The following ST6GALNAC3 variants were observed in gnomAD, a reference collection of about 807,000 sequenced individuals.
The protein encoded by ST6GALNAC3 is ST6 N-acetylgalactosaminide alpha-2,6-sialyltransferase 3, also known as alpha-N-acetylgalactosaminide alpha-2,6-sialyltransferase 3.
A neutral mutation model predicts 32.7 loss-of-function variants in ST6GALNAC3; 25 were observed. The observed-to-expected ratio is 0.76, with a 90% CI of 0.56 to 1.07. ST6GALNAC3 has a LOEUF of 1.07. ST6GALNAC3 is among the 50% of genes least tolerant of loss of function. The pLI, the probability that ST6GALNAC3 is intolerant of heterozygous loss-of-function variation, is 0.00. For synonymous variants in ST6GALNAC3, 129 were observed against 133.1 expected, an observed-to-expected ratio of 0.97 and a Z score of 0.21; for missense variants, 355 against 382.4, an observed-to-expected ratio of 0.93 and a Z score of 0.60.
At chr1:76,280,011 C>T (rs964506695) in intron 1 of ST6GALNAC3, among the ~76,000 whole-genome samples, 2 of 151,482 alleles carry the variant, frequency 1.3e-5, no homozygotes, top group Admixed American at 1.3e-4. Flanking sequence ...CTCATCTTGC[C>T]CTTTCTCTTT....
At chr1:76,284,051 A>G (rs1335504246) in intron 1 of ST6GALNAC3, among the ~76,000 whole-genome samples, 1 of 152,172 alleles carries the variant, frequency 6.6e-6, no homozygotes, top group Non-Finnish European at 1.5e-5. Context: ...AATGCCGGAG[A>G]ACTGAGTTAG....
intron 3 of ST6GALNAC3, among the ~76,000 whole-genome samples, chr1:76,502,190 A>C (rs907769158): frequency 6.6e-6 from 1 of 151,554 alleles, no homozygotes; most frequent in African/African-American, 2.4e-5. Flanking sequence ...ATTTGAGATC[A>C]AGGGATCTCT....
intron 1 of ST6GALNAC3, among the ~76,000 whole-genome samples, chr1:76,275,178 G>A (rs1659066103): frequency 6.6e-6 from 1 of 152,096 alleles, no homozygotes; most frequent in African/African-American, 2.4e-5. Context: ...ATATGCTAAG[G>A]TGCAATATGA....
chr1:76,586,314 G>A (rs1224364932), intron 3 of ST6GALNAC3, among the ~76,000 whole-genome samples: 1 of 152,166 alleles, frequency 6.6e-6, no homozygotes, highest in African/African-American at 2.4e-5. Flanking sequence ...TACCTCTTGT[G>A]TTTCTTCATT....
intron 2 of ST6GALNAC3, among the ~76,000 whole-genome samples, chr1:76,336,813 C>CA (rs1397314143): frequency 6.6e-6 from 1 of 152,178 alleles, no homozygotes; most frequent in Non-Finnish European, 1.5e-5. Context: ...AAGGGCAAGG[C>CA]ATTGTGAGAG....
At chr1:76,611,246 A>G (rs1488938315) in intron 3 of ST6GALNAC3, among the ~76,000 whole-genome samples, 1 of 151,658 alleles carries the variant, frequency 6.6e-6, no homozygotes, top group Non-Finnish European at 1.5e-5. Context: ...AAAAATTATT[A>G]TATTAATATT....
At chr1:76,616,125 G>C (rs1474682601) in intron 3 of ST6GALNAC3, among the ~76,000 whole-genome samples, 1 of 152,130 alleles carries the variant, frequency 6.6e-6, no homozygotes, top group African/African-American at 2.4e-5. Flanking sequence ...CAAACAAACA[G>C]ATCTTTTTTC....
At chr1:76,212,860 G>A (rs1010874111) in intron 1 of ST6GALNAC3, among the ~76,000 whole-genome samples, 1 of 152,054 alleles carries the variant, frequency 6.6e-6, no homozygotes, top group African/African-American at 2.4e-5. Context: ...GTTACTTGGT[G>A]GGCTAGACAG....
chr1:76,107,992 C>T (rs554902296), intron 1 of ST6GALNAC3, among the ~76,000 whole-genome samples: 5 of 152,060 alleles, frequency 3.3e-5, no homozygotes, highest in Non-Finnish European at 7.4e-5. Flanking sequence ...AAAAGAGCTG[C>T]GATTTTAGCT....
At chr1:76,352,339 G>T (rs547675915) in intron 2 of ST6GALNAC3, among the ~76,000 whole-genome samples, 1 of 149,476 alleles carries the variant, frequency 6.7e-6, no homozygotes, top group Non-Finnish European at 1.5e-5. Context: ...TTTCAATACC[G>T]TCTGTCCAAC....
intron 3 of ST6GALNAC3, among the ~76,000 whole-genome samples, chr1:76,501,361 A>T (rs990952939): frequency 6.6e-6 from 1 of 152,222 alleles, no homozygotes; most frequent in Non-Finnish European, 1.5e-5. Context: ...AAGGCAAATG[A>T]TTCAGAGCAA....
chr1:76,249,876 G>A (rs184236088), intron 1 of ST6GALNAC3, among the ~76,000 whole-genome samples: 1 of 152,048 alleles, frequency 6.6e-6, no homozygotes, highest in South Asian at 2.1e-4. Context: ...ATCTTTTCAT[G>A]TGTTTATTAG....
intron 1 of ST6GALNAC3, among the ~76,000 whole-genome samples, chr1:76,174,333 G>A (rs1652711525): frequency 6.6e-6 from 1 of 152,022 alleles, no homozygotes; most frequent in African/African-American, 2.4e-5. Flanking sequence ...GGGGGTGAGA[G>A]GAGGGAACTT....
At position 76,261,010 on chromosome 1, in the gene ST6GALNAC3, A is replaced by ACG. The variant is rs1491160928; in HGVS notation, c.19-52793_19-52792dup. Reference sequence around the variant, plus strand: ...CACACACACACACACACACACACACACGCTGTGAAATGGCCAAATCAAGCT... The same window carrying ACG: ...CACACACACACACACACACACACACACGCGCTGTGAAATGGCCAAATCAAGCT... On this transcript the variant is annotated intron_variant, in intron 1 of 4. Coordinates refer to ENST00000328299, the MANE Select transcript of ST6GALNAC3 (RefSeq NM_152996.4). Among the ~76,000 whole-genome samples, 4 of 149,608 alleles carry ACG rather than the reference A, an allele frequency of 2.7e-5. No individual in the cohort carries two copies. In the East Asian group the frequency reaches 5.9e-4, roughly 22 times the overall value.
At chr1:76,207,830 G>A (rs769250307) in intron 1 of ST6GALNAC3, among the ~76,000 whole-genome samples, 5 of 152,176 alleles carry the variant, frequency 3.3e-5, no homozygotes, top group Non-Finnish European at 5.9e-5. Context: ...CTTCTCTTCA[G>A]TATTGATTCC....
chr1:76,124,119 A>T (rs556068588), intron 1 of ST6GALNAC3, among the ~76,000 whole-genome samples: 136 of 152,324 alleles, frequency 8.9e-4, no homozygotes, highest in African/African-American at 3.2e-3. Flanking sequence ...TCTAAAAATG[A>T]AAAGAAAAGA....
chr1:76,532,697 A>G (rs745345333), intron 3 of ST6GALNAC3, among the ~76,000 whole-genome samples: 4 of 152,138 alleles, frequency 2.6e-5, no homozygotes, highest in Non-Finnish European at 5.9e-5. Flanking sequence ...CTAAAATGAT[A>G]AATAAAATGG....
At chr1:76,512,670 CCTGT>C (rs1460938594) in intron 3 of ST6GALNAC3, among the ~76,000 whole-genome samples, 5 of 152,128 alleles carry the variant, frequency 3.3e-5, no homozygotes, top group Non-Finnish European at 7.4e-5. Flanking sequence ...ACTTATTCCT[CCTGT>C]CTAATTGTAA....
At chr1:76,341,399 AT>A (rs1647955890) in intron 2 of ST6GALNAC3, among the ~76,000 whole-genome samples, 1 of 152,104 alleles carries the variant, frequency 6.6e-6, no homozygotes, top group Non-Finnish European at 1.5e-5. Context: ...ATTGTTTAAA[AT>A]GGCTGCATGG....
Sources: gnomAD v4.1 joint callset for allele counts (sites outside exome capture counted in the v4.1 genomes callset) on GRCh38, gnomAD v4.1.1 for gene constraint, MANE v1.5 for transcripts, NCBI Gene and HGNC (gene_info 2026-07-23, HGNC 2026-07-21) for gene names.